CACNA1C: variants seen among roughly 807,000 people sequenced by gnomAD.
CACNA1C encodes the protein calcium voltage-gated channel subunit alpha1 C, also known as voltage-dependent L-type calcium channel subunit alpha-1C.
Under a neutral mutation model 229.0 loss-of-function variants are expected in CACNA1C, and 30 were observed. The ratio of observed to expected loss-of-function variants is 0.13; its 90% confidence interval spans 0.10 to 0.18. The LOEUF is 0.18. CACNA1C is among the 10% of genes least tolerant of loss of function. CACNA1C has a pLI of 1.00. For missense variants in CACNA1C, 1,658 were observed against 2,845.0 expected (o/e 0.58, Z 9.49); for synonymous variants, 1,114 against 1,132.5 (o/e 0.98, Z 0.33).
intron 1 of CACNA1C, among the ~76,000 whole-genome samples, chr12:2,006,278 G>A (rs1593545344): frequency 6.6e-6 from 1 of 152,086 alleles, no homozygotes; most frequent in East Asian, 1.9e-4. Context: ...AGTGGTGGCA[G>A]GTACCTGTAA....
At chr12:2,205,250 G>A (rs2097721300) in intron 3 of CACNA1C, among the ~76,000 whole-genome samples, 1 of 152,218 alleles carries the variant, frequency 6.6e-6, no homozygotes, top group South Asian at 2.1e-4. Context: ...GCCAGTGTGT[G>A]GAGGTGCAGC....
At position 2,493,073 on chromosome 12, in the gene CACNA1C, G is replaced by T; in HGVS notation, c.917-117G>T. The T allele has an allele frequency of 1.3e-6, 1 of 765,624 alleles. No individual in the cohort carries two copies. The highest frequency in any genetic ancestry group is 1.7e-5 in the South Asian group (1 of 59,256). The allele number at this position is 765,624 out of a possible 1,614,324, so 47.4% of individuals were successfully genotyped here. ...ACATGTCTTGCGCTGTTGTTGCCATGGTTGCTTTGCCCATCCCATCAACCT... is the reference window on the plus strand; with the variant it reads ...ACATGTCTTGCGCTGTTGTTGCCATTGTTGCTTTGCCCATCCCATCAACCT... On this transcript the variant is annotated intron_variant, in intron 6 of 46. Transcript: ENST00000399655. This position sits in a 1 kb window ranked among gnomAD's most constrained non-coding sequence, Gnocchi z 4.6.
chr12:2,302,222 C>G (rs893046551), intron 3 of CACNA1C, among the ~76,000 whole-genome samples: 1 of 152,010 alleles, frequency 6.6e-6, no homozygotes, highest in African/African-American at 2.4e-5. Flanking sequence ...TTAACCCATT[C>G]GCCATTCTCT....
intron 9 of CACNA1C, among the ~76,000 whole-genome samples, chr12:2,522,726 G>T (rs1024359110): frequency 6.6e-6 from 1 of 152,098 alleles, no homozygotes; most frequent in South Asian, 2.1e-4. Context: ...CTCCTGGGCT[G>T]GGGGGCAGAG....
chr12:2,490,102 T>C (rs925254503), intron 6 of CACNA1C, among the ~76,000 whole-genome samples: 3 of 152,280 alleles, frequency 2.0e-5, no homozygotes, highest in African/African-American at 7.2e-5. Flanking sequence ...TTCTTAATTG[T>C]TCTCAAATCT....
At chr12:2,352,618 A>C (rs2097236869) in intron 3 of CACNA1C, among the ~76,000 whole-genome samples, 2 of 147,784 alleles carry the variant, frequency 1.4e-5, no homozygotes, top group Admixed American at 1.4e-4. Flanking sequence ...GACTCTGTGG[A>C]CCGTTGAGTG....
At chr12:2,177,865 G>C (rs983220002) in intron 3 of CACNA1C, among the ~76,000 whole-genome samples, 17 of 151,994 alleles carry the variant, frequency 1.1e-4, no homozygotes, top group African/African-American at 2.9e-4. Flanking sequence ...TTGAACTCCT[G>C]ACCTCGGGTG....
intron 3 of CACNA1C, among the ~76,000 whole-genome samples, chr12:2,178,069 A>G (rs141928508): frequency 3.2e-4 from 48 of 152,340 alleles, no homozygotes; most frequent in African/African-American, 1.1e-3. Flanking sequence ...CAAACTGCAG[A>G]TCTGCAGAGA....
At position 2,255,280 on chromosome 12, in the gene CACNA1C, A is replaced by C. The variant is rs180703721; in HGVS notation, c.477+134850A>C. Among the ~76,000 whole-genome samples the C allele has an allele frequency of 8.5e-3, 1,292 of 152,162 alleles. 16 individuals carry two copies. Among genetic ancestry groups the C allele is most frequent in the African/African-American group, 0.03 (1,234 of 41,510 alleles). ...GCATTCTGCTGCAGAAAAAAAAAAA[A>C]AAAAAACCTAGTTACTAGGAAAGCA... is the stretch of plus-strand genomic sequence containing the variant. On this transcript the variant is annotated intron_variant, in intron 3 of 46. Coordinates refer to ENST00000399655, the MANE Select transcript of CACNA1C (RefSeq NM_000719.7).
upstream of CACNA1C, chr12:2,049,557 T>G (rs2051728295): frequency 6.6e-6 from 1 of 152,208 alleles, no homozygotes; most frequent in African/African-American, 2.4e-5. Context: ...ACAAATTGAG[T>G]GTCCATATGT....
intron 13 of CACNA1C, 100 bp from the exon 14 acceptor site, chr12:2,581,490 C>T (rs2060481338): frequency 9.2e-7 from 1 of 1,091,912 alleles, no homozygotes; most frequent in Non-Finnish European, 1.3e-6. Context: ...CATAGAGTGG[C>T]AGCTCCTCTG....
chr12:2,402,145 T>A (rs733782), intron 3 of CACNA1C, among the ~76,000 whole-genome samples: 13,605 of 152,316 alleles, frequency 0.089, 687 homozygotes, highest in Middle Eastern at 0.14. Flanking sequence ...AAACTTTGAT[T>A]TGTAGTCTGG....
intron 3 of CACNA1C, among the ~76,000 whole-genome samples, chr12:2,294,851 C>T (rs1410317833): frequency 6.6e-6 from 1 of 152,140 alleles, no homozygotes; most frequent in Admixed American, 6.5e-5. Flanking sequence ...GTAGGTGGGG[C>T]AGGGTGGTCT....
chr12:2,380,923 A>C (rs2098226494), intron 3 of CACNA1C, among the ~76,000 whole-genome samples: 1 of 152,204 alleles, frequency 6.6e-6, no homozygotes, highest in Non-Finnish European at 1.5e-5. Context: ...CGGAAGGTGC[A>C]ACCTCCTTCC....
intron 29 of CACNA1C, among the ~76,000 whole-genome samples, chr12:2,626,301 G>A (rs1237354382): frequency 6.6e-6 from 1 of 152,220 alleles, no homozygotes; most frequent in African/African-American, 2.4e-5. Context: ...TGGGCTGTGG[G>A]AGCTTTCTGA....
intron 9 of CACNA1C, among the ~76,000 whole-genome samples, chr12:2,518,557 G>A (rs1027090497): frequency 6.6e-5 from 10 of 151,062 alleles, no homozygotes; most frequent in South Asian, 2.1e-4. Flanking sequence ...GCAGTGAGCC[G>A]AGATCGCGCC....
rs1027334121 is a variant in CACNA1C, at chr12:2,544,956, T to G, written c.1391-4987T>G. On this transcript the variant is annotated intron_variant, in intron 9 of 46. Coordinates refer to ENST00000399655, the MANE Select transcript of CACNA1C (RefSeq NM_000719.7). Reference sequence around the variant, plus strand: ...CTCATTGATTTGCTGAGCATACTTCTTAGATGTAATGGTTTCGCTGGGATT... The same window carrying G: ...CTCATTGATTTGCTGAGCATACTTCGTAGATGTAATGGTTTCGCTGGGATT... Among the ~76,000 whole-genome samples, 3 of 152,332 alleles carry G rather than the reference T, an allele frequency of 2.0e-5. 1 individual carries two copies.
chr12:2,089,193 C>T (rs541364157), intron 1 of CACNA1C, among the ~76,000 whole-genome samples: 1 of 152,322 alleles, frequency 6.6e-6, no homozygotes, highest in African/African-American at 2.4e-5. Flanking sequence ...ACAATAGCTG[C>T]ACTGTGTCAC....
At chr12:2,476,890 G>A (rs1004961815) in intron 5 of CACNA1C, among the ~76,000 whole-genome samples, 2 of 152,208 alleles carry the variant, frequency 1.3e-5, no homozygotes, top group African/African-American at 4.8e-5. Context: ...CATAAAACTT[G>A]AGGCTGTAGG....
Sources: gnomAD v4.1 joint callset for allele counts (sites outside exome capture counted in the v4.1 genomes callset) on GRCh38, gnomAD v4.1.1 for gene constraint, Gnocchi (gnomAD v3.1) non-coding constraint, MANE v1.5 for transcripts, NCBI Gene and HGNC (gene_info 2026-07-23, HGNC 2026-07-21) for gene names.